Variants in DNAJC7 observed in about 807,000 individuals in gnomAD.
The protein encoded by DNAJC7 is dnaJ homolog subfamily C member 7.
DNAJC7 carries 18 observed loss-of-function variants against 67.4 expected under a neutral mutation model. That is an observed-to-expected ratio of 0.27 (90% CI 0.18 to 0.40). The LOEUF (loss-of-function observed/expected upper bound fraction) is 0.40, where lower values mean the gene tolerates loss of function less well. Among genes scored for constraint, DNAJC7 ranks in the 10% least tolerant of loss-of-function variants. The pLI is 1.00. For missense variants in DNAJC7, 419 were observed against 613.8 expected, an observed-to-expected ratio of 0.68 and a Z score of 3.35; for synonymous variants, 220 against 207.8, an observed-to-expected ratio of 1.06 and a Z score of -0.50.
chr17:41,978,426 CCT>C (rs1177892295), intron 12 of DNAJC7, among the ~76,000 whole-genome samples: 1 of 152,222 alleles, frequency 6.6e-6, no homozygotes, highest in African/African-American at 2.4e-5. Context: ...TAACTAACTC[CCT>C]GACTGTGCCC....
chr17:42,003,085 A>C (rs2051852155), intron 1 of DNAJC7, among the ~76,000 whole-genome samples: 3 of 152,350 alleles, frequency 2.0e-5, no homozygotes, highest in Admixed American at 1.3e-4. Flanking sequence ...AAGAACAAGA[A>C]GAATTGTGTT....
At chr17:41,984,018 A>T (rs1188630112) in intron 9 of DNAJC7, among the ~76,000 whole-genome samples, 1 of 152,218 alleles carries the variant, frequency 6.6e-6, no homozygotes, top group Admixed American at 6.5e-5. Flanking sequence ...AAGTGAATAA[A>T]TGGGTATGAA....
intron 1 of DNAJC7, among the ~76,000 whole-genome samples, chr17:42,002,502 G>C (rs920334358): frequency 2.0e-5 from 3 of 152,148 alleles, no homozygotes; most frequent in African/African-American, 7.2e-5. Context: ...AAAATGCAAA[G>C]GATGATTTTG....
chr17:42,006,563 C>CTGGG (rs2051962848), intron 1 of DNAJC7, among the ~76,000 whole-genome samples: 1 of 150,804 alleles, frequency 6.6e-6, no homozygotes, highest in African/African-American at 2.4e-5. Flanking sequence ...CTTTGGGAGG[C>CTGGG]CAAGGCAGGC....
intron 12 of DNAJC7, among the ~76,000 whole-genome samples, chr17:41,978,780 T>C (rs924711993): frequency 1.3e-5 from 2 of 152,280 alleles, no homozygotes; most frequent in Admixed American, 1.3e-4. Context: ...CTTGGGAGGC[T>C]AAGGCAGGAG....
intron 1 of DNAJC7, chr17:42,014,507 A>C (rs1482345449): frequency 6.6e-6 from 1 of 152,102 alleles, no homozygotes; most frequent in Non-Finnish European, 1.5e-5. Context: ...TATATAATAA[A>C]TAACTATGTT....
Position 41,983,543 on chromosome 17 carries a change from A to C in DNAJC7, c.1084+20T>G, listed in dbSNP as rs781840020. 1.3e-6 allele frequency: 2 copies of C among 1,566,644 alleles called. No homozygotes were observed. Among genetic ancestry groups the C allele is most frequent in the African/African-American group, 1.3e-5 (1 of 74,110 alleles). On this transcript the variant is annotated intron_variant, in intron 10 of 13. Transcript: ENST00000457167. ...CGAAGTCCACACAGTTCCCTAAAAA[A>C]CAAATGCTTTTAAACTTACCTTTTG...
At chr17:41,976,915 T>TGA in intron 13 of DNAJC7, 145 bp from the exon 14 acceptor site, 1 of 1,043,028 alleles carries the variant, frequency 9.6e-7, no homozygotes, top group Non-Finnish European at 1.4e-6. Context: ...TCAGGCTGTT[T>TGA]TTGGGTGCAA....
intron 5 of DNAJC7, among the ~76,000 whole-genome samples, chr17:41,993,862 C>T (rs1475521184): frequency 2.1e-5 from 3 of 141,040 alleles, no homozygotes; most frequent in Non-Finnish European, 4.6e-5. Flanking sequence ...CATGCAGAAA[C>T]CCCGTCTCTA....
intron 13 of DNAJC7, 53 bp from the exon 14 acceptor site, chr17:41,976,823 C>A (rs1199960315): frequency 3.8e-6 from 6 of 1,591,452 alleles, no homozygotes; most frequent in South Asian, 1.1e-5. Context: ...TAAGGAAGAT[C>A]ACTTTGCTCT....
At chr17:41,992,240 T>A (rs2051528131) in intron 5 of DNAJC7, among the ~76,000 whole-genome samples, 1 of 152,090 alleles carries the variant, frequency 6.6e-6, no homozygotes, top group Non-Finnish European at 1.5e-5. Context: ...TGGCATGATC[T>A]TGGCTCACTG....
At chr17:42,010,718 C>A (rs1191453915) in intron 1 of DNAJC7, among the ~76,000 whole-genome samples, 1 of 152,118 alleles carries the variant, frequency 6.6e-6, no homozygotes, top group African/African-American at 2.4e-5. Flanking sequence ...GTCCTGCTTG[C>A]CCCTCACACT....
chr17:41,983,416 C>T (rs893734565), intron 10 of DNAJC7, 147 bp downstream of exon 10: 13 of 706,530 alleles, frequency 1.8e-5, no homozygotes, highest in African/African-American at 3.6e-5. Context: ...TGAGCCACCA[C>T]GCCCAGCCTT....
Position 42,007,838 on chromosome 17 carries a change from CTTTTTTTT to C in DNAJC7, c.78-7276_78-7269del, listed in dbSNP as rs140104313. Among the ~76,000 whole-genome samples the C allele has an allele frequency of 2.2e-4, 10 of 44,526 alleles. 1 individual carries two copies. The South Asian group carries it at 3.7e-3, about 16-fold the overall frequency. 29.2% of individuals were successfully genotyped at this position (44,526 alleles called of 152,430 possible). A position where few individuals can be genotyped will look rare whatever the true frequency, so the allele number is the denominator to read the frequency against. ...ACCACAATTGGCCAGAAAAAACTGC[CTTTTTTTT>C]TTTTTTTTTTTTTTTTGAGACAGAA... On this transcript the variant is annotated intron_variant, in intron 1 of 13. Coordinates refer to ENST00000457167, the MANE Select transcript of DNAJC7 (RefSeq NM_003315.4).
At position 41,981,248 on chromosome 17, in the gene DNAJC7, G is replaced by A. The variant is rs1001119797; in HGVS notation, c.1384+607C>T. Among the ~76,000 whole-genome samples, 6 of 152,160 alleles carry A rather than the reference G, an allele frequency of 3.9e-5. No individual in the cohort carries two copies. In the South Asian group the frequency reaches 6.2e-4, roughly 16 times the overall value. On this transcript the variant is annotated intron_variant, in intron 12 of 13. Transcript: ENST00000457167. The stretch of plus-strand genomic sequence containing the variant: ...GTCTTGCTCTGTCGCCCAGGATGGA[G>A]TACAGTGGGACAATCTCGGCTCACT...
At chr17:41,987,770 T>C in intron 9 of DNAJC7, 49 bp downstream of exon 9, 1 of 1,512,690 alleles carries the variant, frequency 6.6e-7, no homozygotes, top group Non-Finnish European at 9.0e-7. Context: ...GCAATTCCCC[T>C]GAGGCCAGCG....
At chr17:41,982,660 T>G (rs1797871461) in intron 10 of DNAJC7, among the ~76,000 whole-genome samples, 1 of 152,148 alleles carries the variant, frequency 6.6e-6, no homozygotes, top group South Asian at 2.1e-4. Flanking sequence ...AACACAGGTT[T>G]GCTTCTATTT....
intron 3 of DNAJC7, 136 bp downstream of exon 3, chr17:41,996,979 G>T: frequency 1.5e-6 from 2 of 1,367,904 alleles, no homozygotes; most frequent in Non-Finnish European, 2.0e-6. Flanking sequence ...ACAACCCACA[G>T]TGCACAGTAA....
intron 5 of DNAJC7, among the ~76,000 whole-genome samples, chr17:41,991,693 T>A (rs782151300): frequency 7.2e-5 from 11 of 152,220 alleles, no homozygotes; most frequent in Non-Finnish European, 1.2e-4. Flanking sequence ...TTTGTTTTGT[T>A]TTTGAGATGG....
Sources: allele counts gnomAD v4.1 joint callset (sites outside exome capture counted in the v4.1 genomes callset), GRCh38; gene constraint gnomAD v4.1.1; transcripts MANE v1.5; gene names NCBI Gene and HGNC (gene_info 2026-07-23, HGNC 2026-07-21).